Variants in PDCD2 observed in about 807,000 individuals in gnomAD.
The protein encoded by PDCD2 is programmed cell death 2.
In PDCD2, 38 loss-of-function variants were observed where a neutral mutation model predicts 38.1. The observed-to-expected ratio is 1.00, with a 90% CI of 0.77 to 1.31. PDCD2 has a LOEUF of 1.31. Ranked by LOEUF, PDCD2 falls within the 50% of genes most tolerant of loss-of-function variation. The probability of loss-of-function intolerance (pLI) is 0.00; values close to 1 mark genes in which losing one functional copy is unlikely to be tolerated. For missense variants in PDCD2, 473 were observed against 435.7 expected (o/e 1.09, Z -0.76); for synonymous variants, 205 against 168.9 (o/e 1.21, Z -1.66).
In PDCD2 at chr6:170,584,476, C is replaced by T; in HGVS notation, c.106G>A (p.Ala36Thr). Reference protein sequence around the residue: ...QFPSKVGGRPAWLGAAGLPGP... With the variant: ...QFPSKVGGRPTWLGAAGLPGP... Reference sequence around the variant, plus strand: ...GGCAGCCCGGCCGCGCCCAGCCATGCCGGCCGCCCGCCCACCTTGCTGGGG... The same window carrying T: ...GGCAGCCCGGCCGCGCCCAGCCATGTCGGCCGCCCGCCCACCTTGCTGGGG... The change falls in exon 1 of 6, where the codon GCA becomes ACA. Residue 36 changes from alanine (A) to threonine (T), a missense_variant. Ala to Thr is a moderately conservative substitution (Grantham distance 58). Coordinates refer to ENST00000541970, the MANE Select transcript of PDCD2 (RefSeq NM_002598.4). 1 of 1,313,776 alleles carries T rather than the reference C, an allele frequency of 7.6e-7. No individual in the cohort carries two copies. The highest frequency in any genetic ancestry group is 9.6e-7 in the Non-Finnish European group (1 of 1,039,382). The allele number at this position is 1,313,776 out of a possible 1,614,324, so 81.4% of individuals were successfully genotyped here.
chr6:170,579,118 G>A (rs1779525278), intron 4 of PDCD2, 148 bp from the exon 5 acceptor site: 1 of 583,862 alleles, frequency 1.7e-6, no homozygotes, highest in African/African-American at 1.9e-5. Context: ...AGACCTGGCT[G>A]TACCAGTGTG....
intron 5 of PDCD2, 114 bp downstream of exon 5, chr6:170,578,743 A>G (rs1779514923): frequency 1.3e-6 from 1 of 750,424 alleles, no homozygotes; most frequent in Non-Finnish European, 2.5e-6. Context: ...ATTATAGGGT[A>G]CCCTTCCATA....
rs760421463 is a variant in PDCD2 at position 170,576,593 on chromosome 6, C to T, written c.*966G>A. On this transcript the variant is annotated 3_prime_UTR_variant, in exon 6 of 6. Transcript: ENST00000541970. ...GAAACCTTAGTGTAGTCTTAGGAGC[C>T]GCTTGCTTAAACAGATGTATCAGAA... 2.0e-4 allele frequency: 31 copies of T among 152,144 alleles called. No homozygotes were observed. Among genetic ancestry groups the T allele is most frequent in the Non-Finnish European group, 3.4e-4 (23 of 68,046 alleles). The allele number at this position is 152,144 out of a possible 1,614,324, so 9.4% of individuals were successfully genotyped here.
rs1779481331 is a variant in PDCD2 at position 170,577,652 on chromosome 6, G to T, written c.942C>A (p.Ile314=). 1 of 1,613,888 alleles carries T rather than the reference G, an allele frequency of 6.2e-7. No individual in the cohort carries two copies. Among genetic ancestry groups the T allele is most frequent in the Non-Finnish European group, 8.5e-7 (1 of 1,179,986 alleles). ...DRLGKSIDWG[I]LAVFTCAESC... is the part of the protein sequence containing the mutation. The stretch of plus-strand genomic sequence containing the variant: ...TCTCAGCACAGGTGAAGACAGCCAG[G>T]ATGCCCCAGTCAATGCTCTTGCCCA... Residue 314 remains isoleucine, a synonymous_variant, in exon 6 of 6, where the codon ATC becomes ATA. Coordinates refer to ENST00000541970, the MANE Select transcript of PDCD2 (RefSeq NM_002598.4).
At position 170,583,054 on chromosome 6, in the gene PDCD2, T is replaced by C; in HGVS notation, c.658+3A>G. 1 of 1,609,328 alleles carries C rather than the reference T, an allele frequency of 6.2e-7. No homozygotes were observed. The highest frequency in any genetic ancestry group is 8.5e-7 in the Non-Finnish European group (1 of 1,178,444). On this transcript the variant is annotated splice_donor_region_variant and intron_variant, in intron 3 of 5. Coordinates refer to ENST00000541970, the MANE Select transcript of PDCD2 (RefSeq NM_002598.4). ...TAATGAATGAAGTCCTGAAACTGCT[T>C]ACCCATGCTCCCTATAATCTCTGAG... is the stretch of plus-strand genomic sequence containing the variant.
At chr6:170,581,463 C>G (rs541109336) in intron 3 of PDCD2, 2 of 152,116 alleles carry the variant, frequency 1.3e-5, no homozygotes, top group African/African-American at 4.8e-5. Flanking sequence ...CAAGCAGGAG[C>G]CTTTTCATGT....
rs1016165297 is a variant in PDCD2 at position 170,581,608 on chromosome 6, G to A, written c.658+1449C>T. 4 of 154,324 alleles carry A rather than the reference G, an allele frequency of 2.6e-5. 1 individual carries two copies. The highest frequency in any genetic ancestry group is 2.5e-4 in the Admixed American group (4 of 15,768). The allele number at this position is 154,324 out of a possible 1,614,324, so 9.6% of individuals were successfully genotyped here. On this transcript the variant is annotated intron_variant, in intron 3 of 5. Transcript: ENST00000541970. Reference sequence around the variant, plus strand: ...TCCAAAGAGCCTGGAGTTCCTTTTAGAGAGAAATGGTACGTAGACACAATC... The same window carrying A: ...TCCAAAGAGCCTGGAGTTCCTTTTAAAGAGAAATGGTACGTAGACACAATC...
intron 1 of PDCD2, 132 bp downstream of exon 1, chr6:170,584,167 G>T: frequency 2.9e-6 from 3 of 1,023,598 alleles, no homozygotes; most frequent in Non-Finnish European, 3.9e-6. Context: ...GTGCTCCTGG[G>T]GCAGCGCGGA....
rs1208688739 is a variant in PDCD2, at chr6:170,578,346, G to A, written c.876+511C>T. The A allele has an allele frequency of 1.4e-5, 6 of 417,688 alleles. No individual in the cohort carries two copies. The East Asian group carries it at 2.8e-4, about 20-fold the overall frequency. 25.9% of individuals were successfully genotyped at this position (417,688 alleles called of 1,614,324 possible). On this transcript the variant is annotated intron_variant, in intron 5 of 5. Transcript: ENST00000541970. Reference sequence around the variant, plus strand: ...AGGTTAGTGAATCCATAGCTCAAGAGCATTTCCACCCTACCCAAATGGATT... The same window carrying A: ...AGGTTAGTGAATCCATAGCTCAAGAACATTTCCACCCTACCCAAATGGATT...
Position 170,583,741 on chromosome 6 carries a change from C to A in PDCD2, c.290G>T (p.Arg97Met). 1 of 1,603,332 alleles carries A rather than the reference C, an allele frequency of 6.2e-7. No homozygotes were observed. Among genetic ancestry groups the A allele is most frequent in the South Asian group, 1.1e-5 (1 of 90,028 alleles). Residue 97 changes from arginine to methionine, a missense_variant, in exon 2 of 6, where the codon AGG becomes ATG. Arg to Met is a moderately conservative substitution (Grantham distance 91). Transcript: ENST00000541970. ...QPCCAGLRVFRNQLPRKNDFY... is the reference protein window; with the variant it reads ...QPCCAGLRVFMNQLPRKNDFY... ...ATCGTTTTTCCTGGGTAGTTGATTC[C>A]TAAAAACTAAAAAAGAATACAGAGA...
chr6:170,580,326 G>A (rs1779559792), intron 3 of PDCD2, among the ~76,000 whole-genome samples: 1 of 152,154 alleles, frequency 6.6e-6, no homozygotes, highest in East Asian at 1.9e-4. Context: ...ATGGTCAAGG[G>A]CTTAGGACTG....
intron 3 of PDCD2, chr6:170,581,417 A>G (rs771986784): frequency 2.6e-5 from 4 of 152,130 alleles, no homozygotes; most frequent in Non-Finnish European, 5.9e-5. Context: ...TGATGCAGTT[A>G]GCGTCCTTGT....
At chr6:170,578,405 A>G in intron 5 of PDCD2, 1 of 531,530 alleles carries the variant, frequency 1.9e-6, no homozygotes, top group South Asian at 2.7e-5. Context: ...GCAGGGAAGG[A>G]CATTTATCTT....
At chr6:170,580,491 G>C (rs1267351266) in intron 3 of PDCD2, among the ~76,000 whole-genome samples, 1 of 152,162 alleles carries the variant, frequency 6.6e-6, no homozygotes, top group Admixed American at 6.5e-5. Flanking sequence ...GAGGCGGGCA[G>C]ATCACCTGAG....
chr6:170,580,504 C>T (rs2115012850), intron 3 of PDCD2, among the ~76,000 whole-genome samples: 1 of 152,280 alleles, frequency 6.6e-6, no homozygotes, highest in Middle Eastern at 3.4e-3. Flanking sequence ...CACCTGAGGT[C>T]AGGAGTTCAA....
chr6:170,580,544 G>A (rs867692132), intron 3 of PDCD2, among the ~76,000 whole-genome samples: 3 of 152,060 alleles, frequency 2.0e-5, no homozygotes, highest in Admixed American at 2.0e-4. Flanking sequence ...GTGAAATCCC[G>A]TATCTACTAA....
chr6:170,583,461 A>C (rs780124573), intron 2 of PDCD2, 44 bp downstream of exon 2: 2 of 1,570,964 alleles, frequency 1.3e-6, no homozygotes, highest in East Asian at 2.3e-5. Flanking sequence ...TGGGTTGACA[A>C]AGGCGATGAA....
Position 170,577,539 on chromosome 6 carries a change from T to G in PDCD2, c.*20A>C. On this transcript the variant is annotated 3_prime_UTR_variant, in exon 6 of 6. Coordinates refer to ENST00000541970, the MANE Select transcript of PDCD2 (RefSeq NM_002598.4). The stretch of plus-strand genomic sequence containing the variant: ...AAGGTATAAAAGATTATTAACATTT[T>G]TCAAGGCTTTAAGATGCCTTTACGG... The G allele has an allele frequency of 6.2e-7, 1 of 1,602,600 alleles. No individual in the cohort carries two copies. Among genetic ancestry groups the G allele is most frequent in the Non-Finnish European group, 8.5e-7 (1 of 1,170,806 alleles).
rs376113327 is a variant in PDCD2, at chr6:170,584,411, C to T, written c.171G>A (p.Pro57=). 4.9e-6 allele frequency: 7 copies of T among 1,416,412 alleles called. No individual in the cohort carries two copies. Among genetic ancestry groups the T allele is most frequent in the Middle Eastern group, 2.7e-4 (1 of 3,740 alleles). 87.7% of individuals were successfully genotyped at this position (1,416,412 alleles called of 1,614,324 possible). A position where few individuals can be genotyped will look rare whatever the true frequency, so the allele number is the denominator to read the frequency against. The change falls in exon 1 of 6, where the codon CCG becomes CCA. Residue 57 remains proline (P), a synonymous_variant. Coordinates refer to ENST00000541970, the MANE Select transcript of PDCD2 (RefSeq NM_002598.4). ...CATACACCTGCAGCAGGAAGGAGAG[C>T]GGGCGGCCGCACAGCTCGCAGGCCA... ...QALACELCGR[P]LSFLLQVYAP...
Sources: gnomAD v4.1 joint callset for allele counts (sites outside exome capture counted in the v4.1 genomes callset) on GRCh38, gnomAD v4.1.1 for gene constraint, MANE v1.5 for transcripts, NCBI Gene and HGNC (gene_info 2026-07-23, HGNC 2026-07-21) for gene names.